KIAA1217: variants seen among roughly 807,000 people sequenced by gnomAD.
KIAA1217 encodes KIAA1217, also known as sickle tail protein homolog.
Under a neutral mutation model 163.9 loss-of-function variants are expected in KIAA1217, and 88 were observed. The ratio of observed to expected loss-of-function variants is 0.54; its 90% CI spans 0.45 to 0.64. KIAA1217 has a LOEUF of 0.64. Ranked by LOEUF, KIAA1217 falls within the 30% of genes least tolerant of loss-of-function variation. The pLI is 0.00. For synonymous variants in KIAA1217, 903 were observed against 923.1 expected, an observed-to-expected ratio of 0.98 and a Z score of 0.39; for missense variants, 2,372 against 2,475.0, an observed-to-expected ratio of 0.96 and a Z score of 0.88.
intron 2 of KIAA1217, among the ~76,000 whole-genome samples, chr10:24,271,925 A>C (rs572778662): frequency 3.9e-5 from 6 of 152,214 alleles, no homozygotes; most frequent in African/African-American, 1.4e-4. Context: ...AAGATAGCCC[A>C]CTTAAAAGTG....
intron 2 of KIAA1217, among the ~76,000 whole-genome samples, chr10:24,365,580 C>T (rs2050671842): frequency 6.6e-6 from 1 of 152,152 alleles, no homozygotes; most frequent in Non-Finnish European, 1.5e-5. Context: ...CTAAGCAACC[C>T]TCACCTTTCT....
At chr10:24,222,179 A>G (rs2069745848) in intron 2 of KIAA1217, among the ~76,000 whole-genome samples, 1 of 152,200 alleles carries the variant, frequency 6.6e-6, no homozygotes, top group Non-Finnish European at 1.5e-5. Context: ...TGAAAGGAGT[A>G]ATGAATATAT....
At chr10:24,097,374 A>G (rs950572938) in intron 2 of KIAA1217, among the ~76,000 whole-genome samples, 2 of 152,148 alleles carry the variant, frequency 1.3e-5, no homozygotes, top group Non-Finnish European at 2.9e-5. Context: ...CAACATAGCA[A>G]GATCCTATCT....
At chr10:24,352,398 G>A (rs2048560381) in intron 2 of KIAA1217, among the ~76,000 whole-genome samples, 1 of 152,154 alleles carries the variant, frequency 6.6e-6, no homozygotes, top group Non-Finnish European at 1.5e-5. Flanking sequence ...TACTTTAGGT[G>A]GAAACTTAAA....
chr10:24,208,416 G>T (rs1281712674), upstream of KIAA1217, among the ~76,000 whole-genome samples: 2 of 151,788 alleles, frequency 1.3e-5, no homozygotes, highest in African/African-American at 4.8e-5. Flanking sequence ...TGTGTTGGGG[G>T]AGGGAGGAGT....
At chr10:23,749,697 G>A (rs901618673) in intron 1 of KIAA1217, among the ~76,000 whole-genome samples, 3 of 152,158 alleles carry the variant, frequency 2.0e-5, no homozygotes, top group South Asian at 2.1e-4. Context: ...GAGCCACCTC[G>A]CCCGGCATTT....
At chr10:24,262,623 T>C (rs1436842089) in intron 2 of KIAA1217, among the ~76,000 whole-genome samples, 2 of 143,552 alleles carry the variant, frequency 1.4e-5, no homozygotes, top group Non-Finnish European at 3.0e-5. Flanking sequence ...AGACTCCGTC[T>C]CAAAGAAAAA....
chr10:23,758,626 T>TTCTTTCTCTC (rs1554787386), intron 1 of KIAA1217, among the ~76,000 whole-genome samples: 46 of 116,944 alleles, frequency 3.9e-4, no homozygotes, highest in African/African-American at 1.7e-3. Flanking sequence ...CTTTCTTACT[T>TTCTTTCTCTC]TCTCTCTCTC....
chr10:24,312,195 C>T (rs567426120), intron 2 of KIAA1217, among the ~76,000 whole-genome samples: 5 of 151,924 alleles, frequency 3.3e-5, no homozygotes, highest in East Asian at 3.9e-4. Flanking sequence ...GCCCAGCTAA[C>T]GAGGGGCCAG....
chr10:24,445,418 C>T (rs1284165438), intron 5 of KIAA1217, among the ~76,000 whole-genome samples: 1 of 151,990 alleles, frequency 6.6e-6, no homozygotes, highest in Non-Finnish European at 1.5e-5. Context: ...TTTTAGGGTA[C>T]ATGTGCACAA....
chr10:24,071,779 C>T (rs192604998), intron 2 of KIAA1217, among the ~76,000 whole-genome samples: 30 of 151,968 alleles, frequency 2.0e-4, no homozygotes, highest in Admixed American at 1.9e-3. Context: ...CATTATTGCC[C>T]ATCATTAGAA....
intron 3 of KIAA1217, among the ~76,000 whole-genome samples, chr10:24,421,043 C>T: frequency 6.6e-6 from 1 of 152,140 alleles, no homozygotes; most frequent in African/African-American, 2.4e-5. Context: ...CTTGCTCTGT[C>T]ACCCAGGCTG....
In KIAA1217 at chr10:24,517,771, G is replaced by C. The variant is rs779850985; in HGVS notation, c.2178-2352G>C. On this transcript the variant is annotated intron_variant, in intron 10 of 20. Transcript: ENST00000376454. ...GCACTTTGGGAGGCCAAGGTGGGTAGATCACTTGAGGTCAGGAGTTAGAGA... is the reference window on the plus strand; with the variant it reads ...GCACTTTGGGAGGCCAAGGTGGGTACATCACTTGAGGTCAGGAGTTAGAGA... 1.5e-4 allele frequency among the ~76,000 whole-genome samples: 23 copies of C among 152,306 alleles called. 1 individual carries two copies. Among genetic ancestry groups the C allele is most frequent in the Admixed American group, 3.3e-4 (5 of 15,298 alleles).
intron 1 of KIAA1217, among the ~76,000 whole-genome samples, chr10:23,844,430 C>G (rs1208776053): frequency 6.6e-6 from 1 of 152,196 alleles, no homozygotes; most frequent in Non-Finnish European, 1.5e-5. Context: ...TATAGCTTCT[C>G]TCCCCTACAA....
intron 2 of KIAA1217, among the ~76,000 whole-genome samples, chr10:24,009,924 G>C (rs1380457501): frequency 2.6e-5 from 4 of 152,174 alleles, no homozygotes; most frequent in Non-Finnish European, 4.4e-5. Flanking sequence ...CTGTATGGGG[G>C]CTCTGTCCTT....
intron 2 of KIAA1217, among the ~76,000 whole-genome samples, chr10:24,355,689 C>CAGCTG (rs2048995334): frequency 7.0e-6 from 1 of 142,298 alleles, no homozygotes; most frequent in African/African-American, 2.6e-5. Flanking sequence ...TCTGTCGCCA[C>CAGCTG]AGCTGAGCAG....
chr10:24,169,944 T>G (rs577165876), intron 2 of KIAA1217, among the ~76,000 whole-genome samples: 1 of 152,300 alleles, frequency 6.6e-6, no homozygotes, highest in Non-Finnish European at 1.5e-5. Flanking sequence ...GAAGATAATT[T>G]ATTAGTATTC....
chr10:24,256,452 TGCAGGTGATAAG>T (rs2131615655), intron 2 of KIAA1217, among the ~76,000 whole-genome samples: 1 of 152,244 alleles, frequency 6.6e-6, no homozygotes, highest in East Asian at 1.9e-4. Flanking sequence ...CTGGAGTAAG[TGCAGGTGATAAG>T]GCTTGCTATC....
At chr10:24,497,609 A>G (rs2066960997) in intron 8 of KIAA1217, among the ~76,000 whole-genome samples, 1 of 151,906 alleles carries the variant, frequency 6.6e-6, no homozygotes, top group South Asian at 2.1e-4. Context: ...AGTCCCACAT[A>G]CTTGGGAGGC....
Sources: gnomAD v4.1 joint callset for allele counts (sites outside exome capture counted in the v4.1 genomes callset) on GRCh38, gnomAD v4.1.1 for gene constraint, MANE v1.5 for transcripts, NCBI Gene and HGNC (gene_info 2026-07-23, HGNC 2026-07-21) for gene names.